Variants in SLC7A3 observed in about 807,000 individuals in gnomAD.
The protein encoded by SLC7A3 is solute carrier family 7 member 3.
Under a neutral mutation model 33.2 loss-of-function variants are expected in SLC7A3, and 3 were observed. That is an observed-to-expected ratio of 0.09 (90% confidence interval 0.04 to 0.23). The LOEUF (loss-of-function observed/expected upper bound fraction) is 0.23. Ranked by LOEUF, SLC7A3 falls within the 10% of genes least tolerant of loss-of-function variation. The pLI, the probability that SLC7A3 is intolerant of heterozygous loss-of-function variation, is 1.00. For synonymous variants in SLC7A3, 193 were observed against 195.1 expected (o/e 0.99, Z 0.09); for missense variants, 360 against 488.8 (o/e 0.74, Z 2.48).
At chrX:70,926,250 G>T (rs772343877) in intron 10 of SLC7A3, 72 bp from the exon 11 acceptor site, 6 of 933,963 alleles carry the variant, frequency 6.4e-6, no homozygotes, top group Non-Finnish European at 9.0e-6. Flanking sequence ...TCCTATGCAG[G>T]CCAGAAAAGG....
intron 1 of SLC7A3, among the ~76,000 whole-genome samples, chrX:70,930,650 G>C (rs1475128151): frequency 8.9e-6 from 1 of 112,342 alleles, no homozygotes; most frequent in East Asian, 2.8e-4. Context: ...TCAACAGCGA[G>C]GCGGGGCTTC....
Position 70,928,972 on chromosome X carries a change from G to A in SLC7A3, c.401C>T (p.Ser134Phe), listed in dbSNP as rs1258553761. 8.3e-7 allele frequency: 1 copy of A among 1,212,027 alleles called. No individual in the cohort carries two copies. Among genetic ancestry groups the A allele is most frequent in the Non-Finnish European group, 1.1e-6 (1 of 895,505 alleles). ...GTTCCCAATCAGGTTGTCAAAAGCA[G>A]AGCTCCAGGCCCGGGCCACACTGGC... is the stretch of plus-strand genomic sequence containing the variant. ...GTASVARAWS[S>F]AFDNLIGNHI... The change falls in exon 3 of 12, where the codon TCT becomes TTT. Residue 134 changes from serine to phenylalanine, a missense_variant. Ser to Phe is a radical substitution (Grantham distance 155). Transcript: ENST00000374299.
In SLC7A3 at chrX:70,928,622, G is replaced by A; in HGVS notation, c.541C>T (p.Leu181Phe). The A allele has an allele frequency of 2.5e-6, 3 of 1,202,047 alleles. No individual in the cohort carries two copies. Among genetic ancestry groups the A allele is most frequent in the Non-Finnish European group, 3.4e-6 (3 of 890,801 alleles). ...ACCAGGGCCGACTCACTAGCCCCGAGAGCCAACAATCCTGTGGGAGAAATG... is the reference window on the plus strand; with the variant it reads ...ACCAGGGCCGACTCACTAGCCCCGAAAGCCAACAATCCTGTGGGAGAAATG... ...LVLLLTGLLA[L>F]GASESALVTK... is the part of the protein sequence containing the mutation. Residue 181 changes from leucine (L) to phenylalanine (F), a missense_variant, in exon 4 of 12, where the codon CTC becomes TTC. Physicochemically the swap from Leu to Phe is conservative, Grantham distance 22. Transcript: ENST00000374299.
chrX:70,930,124 A>C lies in SLC7A3; in HGVS notation c.-25-102T>G, dbSNP rs766149375. 3.6e-6 allele frequency: 3 copies of C among 843,170 alleles called. No homozygotes were observed. The East Asian group carries it at 9.5e-5, about 27-fold the overall frequency. 69.5% of individuals were successfully genotyped at this position (843,170 alleles called of 1,213,427 possible). A position where few individuals can be genotyped will look rare whatever the true frequency, so the allele number is the denominator to read the frequency against. On this transcript the variant is annotated intron_variant, in intron 1 of 11. Transcript: ENST00000374299. ...TCCACCAAGCAAAGGAGCTATTGGGAAATGAGGACGGGGATATGGAAGGGA... is the reference window on the plus strand; with the variant it reads ...TCCACCAAGCAAAGGAGCTATTGGGCAATGAGGACGGGGATATGGAAGGGA...
chrX:70,927,259 A>G (rs1317789407), intron 8 of SLC7A3, 23 bp downstream of exon 8: 2 of 1,182,356 alleles, frequency 1.7e-6, no homozygotes, highest in African/African-American at 3.5e-5. Context: ...TCCAAATCAC[A>G]GTATGCAGAG....
At chrX:70,926,797 C>T in intron 9 of SLC7A3, 78 bp downstream of exon 9, 2 of 1,165,619 alleles carry the variant, frequency 1.7e-6, no homozygotes, top group South Asian at 2.0e-5. Flanking sequence ...TCTAGTTCTT[C>T]CTCAGCCACC....
intron 11 of SLC7A3, 26 bp from the exon 12 acceptor site, chrX:70,925,969 T>G: frequency 8.3e-7 from 1 of 1,208,039 alleles, no homozygotes; most frequent in East Asian, 3.0e-5. Flanking sequence ...AGCTGTGAGG[T>G]GGGGGTGTAA....
intron 10 of SLC7A3, 103 bp downstream of exon 10, chrX:70,926,424 A>T (rs2091896854): frequency 2.1e-6 from 2 of 945,543 alleles, no homozygotes; most frequent in Non-Finnish European, 2.9e-6. Flanking sequence ...CTTCCCTTTC[A>T]TGTTCAATTA....
rs184929719 is a variant in SLC7A3 at position 70,929,615 on chromosome X, C to G, written c.370+13G>C. The G allele has an allele frequency of 2.1e-5, 25 of 1,196,515 alleles. No individual in the cohort carries two copies. The African/African-American group carries it at 2.6e-4, about 13-fold the overall frequency. ...TGGCTGTGCAGTTCCCTCCCTCCCC[C>G]ACCATATCTCACCAATGACATAGGA... On this transcript the variant is annotated intron_variant, in intron 2 of 11. Transcript: ENST00000374299.
chrX:70,927,987 G>A lies in SLC7A3; in HGVS notation c.854C>T (p.Pro285Leu), dbSNP rs755958533. 6 of 1,211,484 alleles carry A rather than the reference G, an allele frequency of 5.0e-6. No homozygotes were observed. The highest frequency in any genetic ancestry group is 3.5e-5 in the African/African-American group (2 of 57,771). The change falls in exon 6 of 12, where the codon CCG (proline) becomes CTG (leucine). Residue 285 changes from proline (P) to leucine (L), a missense_variant. Coordinates refer to ENST00000374299, the MANE Select transcript of SLC7A3 (RefSeq NM_032803.6). ...EEAQNPQRSI[P>L]MGIVISLSVC... is the part of the protein sequence containing the mutation. ...AGACAGTGAGATCACAATGCCCATC[G>A]GGATGGAACGCTGGGGATTCTGGGC...
rs200410875 is a variant in SLC7A3, at chrX:70,927,533, G to A, written c.1134C>T (p.Thr378=). ...LLFRVLARIH[T]GTRTPIIATV... ...TGGCTATGATTGGGGTGCGTGTGCC[G>A]GTGTGGATCCGAGCAAGTACACGGA... Residue 378 remains threonine (T), a synonymous_variant, in exon 7 of 12, where the codon ACC becomes ACT. Coordinates refer to ENST00000374299, the MANE Select transcript of SLC7A3 (RefSeq NM_032803.6). The A allele has an allele frequency of 2.2e-5, 27 of 1,209,323 alleles. No homozygotes were observed. The highest frequency in any genetic ancestry group is 1.5e-4 in the East Asian group (5 of 33,743).
chrX:70,925,884 G>A lies in SLC7A3; in HGVS notation c.1789C>T (p.Gln597Ter), dbSNP rs2091895479. The change falls in exon 12 of 12, where the codon CAA becomes TAA. Residue 597 changes from glutamine (Q) to a stop codon, truncating the protein, a stop_gained. Transcript: ENST00000374299. LOFTEE classifies it high-confidence loss of function. Reference sequence around the variant, plus strand: ...TTGGCTCTAGACTTGCGTGAGGGTTGGTTACTCTTAATCTCTTCCAGGCTG... The same window carrying A: ...TTGGCTCTAGACTTGCGTGAGGGTTAGTTACTCTTAATCTCTTCCAGGCTG... The part of the protein sequence containing the change: ...QHSLEEIKSN[Q>*]PSRKSRAKTV... 1 of 1,211,454 alleles carries A rather than the reference G, an allele frequency of 8.3e-7. No homozygotes were observed. The highest frequency in any genetic ancestry group is 1.7e-5 in the African/African-American group (1 of 57,750).
intron 2 of SLC7A3, 140 bp downstream of exon 2, chrX:70,929,488 C>A (rs775053163): frequency 6.9e-6 from 5 of 727,806 alleles, no homozygotes; most frequent in Non-Finnish European, 7.6e-6. Flanking sequence ...TCAACACCCC[C>A]CCCCAGACCC....
Position 70,927,526 on chromosome X carries a change from G to A in SLC7A3, c.1141C>T (p.Arg381Cys), listed in dbSNP as rs142628938. The change falls in exon 7 of 12, where the codon CGC becomes TGC. Residue 381 changes from arginine (R) to cysteine (C), a missense_variant. Physicochemically the swap from Arg to Cys is radical, Grantham distance 180 (BLOSUM62 -3). Transcript: ENST00000374299. ...RVLARIHTGT[R>C]TPIIATVVSG... ...ACCACGGTGGCTATGATTGGGGTGC[G>A]TGTGCCGGTGTGGATCCGAGCAAGT... is the stretch of plus-strand genomic sequence containing the variant. The A allele has an allele frequency of 2.2e-5, 27 of 1,209,350 alleles. No individual in the cohort carries two copies. The highest frequency in any genetic ancestry group is 8.8e-5 in the Admixed American group (4 of 45,650).
In SLC7A3 at chrX:70,927,898, G is replaced by A. The variant is rs747471464; in HGVS notation, c.943C>T (p.Leu315Phe). ...TCAGGCAAAGGGCTCTCAGGCTGAA[G>A]CTGGTAGTAAGGCATCATCAGGGTG... ...ALTLMMPYYQLQPESPLPEAF... is the reference protein window; with the variant it reads ...ALTLMMPYYQFQPESPLPEAF... Residue 315 changes from leucine (L) to phenylalanine (F), a missense_variant, in exon 6 of 12, where the codon CTT becomes TTT. By Grantham distance (22) the Leu-to-Phe change is conservative. Coordinates refer to ENST00000374299, the MANE Select transcript of SLC7A3 (RefSeq NM_032803.6). The A allele has an allele frequency of 5.8e-6, 7 of 1,210,158 alleles. No individual in the cohort carries two copies. Among genetic ancestry groups the A allele is most frequent in the Non-Finnish European group, 7.8e-6 (7 of 894,607 alleles).
Position 70,928,922 on chromosome X carries a change from A to C in SLC7A3, c.451T>G (p.Ser151Ala). Reference sequence around the variant, plus strand: ...ACATGGGGCACGTGCAGTGCAATGGACCCCTGCAGAGTCTTAGAGATGTGG... The same window carrying C: ...ACATGGGGCACGTGCAGTGCAATGGCCCCCTGCAGAGTCTTAGAGATGTGG... ...GNHISKTLQG[S>A]IALHVPHVLA... The change falls in exon 3 of 12, where the codon TCC (serine) becomes GCC (alanine). Residue 151 changes from serine (S) to alanine (A), a missense_variant. Physicochemically the swap from Ser to Ala is moderately conservative, Grantham distance 99. Transcript: ENST00000374299. The C allele has an allele frequency of 8.3e-7, 1 of 1,209,709 alleles. No homozygotes were observed. The highest frequency in any genetic ancestry group is 1.8e-5 in the South Asian group (1 of 56,913).
At position 70,926,078 on chromosome X, in the gene SLC7A3, A is replaced by T. The variant is rs768510091; in HGVS notation, c.1721T>A (p.Met574Lys). The change falls in exon 11 of 12, where the codon ATG becomes AAG. Residue 574 changes from methionine to lysine, a missense_variant. By Grantham distance (95) the Met-to-Lys change is moderately conservative (BLOSUM62 -1). Transcript: ENST00000374299. Reference sequence around the variant, plus strand: ...CCCAAGTGGATACCTACCAATCAGCATCCAGACCCCAAATCGGGCCCAGGT... The same window carrying T: ...CCCAAGTGGATACCTACCAATCAGCTTCCAGACCCCAAATCGGGCCCAGGT... Reference protein sequence around the residue: ...AGTWARFGVWMLIGFAIYFGY... With the variant: ...AGTWARFGVWKLIGFAIYFGY... 1 of 1,208,977 alleles carries T rather than the reference A, an allele frequency of 8.3e-7. No homozygotes were observed. Among genetic ancestry groups the T allele is most frequent in the African/African-American group, 1.7e-5 (1 of 57,162 alleles).
At position 70,929,001 on chromosome X, in the gene SLC7A3, A is replaced by T; in HGVS notation, c.372T>A (p.Gly124=). 1 of 1,211,451 alleles carries T rather than the reference A, an allele frequency of 8.3e-7. No homozygotes were observed. Among genetic ancestry groups the T allele is most frequent in the Non-Finnish European group, 1.1e-6 (1 of 895,088 alleles). The change falls in exon 3 of 12, where the codon GGT becomes GGA. Residue 124 remains glycine (G), a splice_region_variant and synonymous_variant. Transcript: ENST00000374299. ...GWNLILSYVI[G]TASVARAWSS... The stretch of plus-strand genomic sequence containing the variant: ...TCCAGGCCCGGGCCACACTGGCTGT[A>T]CCTGGTGTAGCAGAGAGAGAAACAT...
intron 1 of SLC7A3, among the ~76,000 whole-genome samples, chrX:70,930,543 C>T (rs1202824444): frequency 8.9e-6 from 1 of 112,027 alleles, no homozygotes; most frequent in African/African-American, 3.2e-5. Flanking sequence ...CCCTCCTCAC[C>T]AAGCCCACAC....
Sources: allele counts gnomAD v4.1 joint callset (sites outside exome capture counted in the v4.1 genomes callset), GRCh38; gene constraint gnomAD v4.1.1; transcripts MANE v1.5; gene names NCBI Gene and HGNC (gene_info 2026-07-23, HGNC 2026-07-21).